The following PCDH9 variants were observed in gnomAD, a reference collection of about 807,000 sequenced individuals.
PCDH9 encodes protocadherin-9.
In PCDH9, 24 loss-of-function variants were observed where a neutral mutation model predicts 70.6. The observed-to-expected ratio is 0.34, with a 90% CI of 0.25 to 0.48. The LOEUF is 0.48. Among genes scored for constraint, PCDH9 ranks in the 20% least tolerant of loss-of-function variants. The pLI, the probability that PCDH9 is intolerant of heterozygous loss-of-function variation, is 0.99. For missense variants in PCDH9, 1,281 were observed against 1,503.6 expected, an observed-to-expected ratio of 0.85 and a Z score of 2.45; for synonymous variants, 562 against 558.5, an observed-to-expected ratio of 1.01 and a Z score of -0.09.
At chr13:66,439,159 C>G (rs1353686483) in intron 4 of PCDH9, among the ~76,000 whole-genome samples, 1 of 152,126 alleles carries the variant, frequency 6.6e-6, no homozygotes, top group Non-Finnish European at 1.5e-5. Context: ...ACTCCTATTG[C>G]CCGTTTCTAG....
chr13:66,318,955 G>A (rs984951657), intron 4 of PCDH9, among the ~76,000 whole-genome samples: 3 of 152,072 alleles, frequency 2.0e-5, no homozygotes, highest in Non-Finnish European at 4.4e-5. Flanking sequence ...TCTCTGGAAG[G>A]ATATCTACAC....
intron 2 of PCDH9, among the ~76,000 whole-genome samples, chr13:66,986,919 T>C (rs1485511824): frequency 6.6e-6 from 1 of 151,940 alleles, no homozygotes; most frequent in East Asian, 1.9e-4. Context: ...TATCTATGTA[T>C]ATATAATAAA....
intron 3 of PCDH9, among the ~76,000 whole-genome samples, chr13:66,690,783 T>A (rs2139082980): frequency 6.6e-6 from 1 of 152,268 alleles, no homozygotes; most frequent in East Asian, 1.9e-4. Context: ...CAGGAAAACA[T>A]ATTTCTAGGT....
intron 3 of PCDH9, among the ~76,000 whole-genome samples, chr13:66,810,434 TTC>T (rs1259793553): frequency 1.3e-5 from 2 of 152,032 alleles, no homozygotes; most frequent in Admixed American, 1.3e-4. Context: ...GTCATTTAAG[TTC>T]TCAGATTCCC....
chr13:66,497,638 G>A (rs1959136768), intron 4 of PCDH9, among the ~76,000 whole-genome samples: 1 of 152,052 alleles, frequency 6.6e-6, no homozygotes, highest in African/African-American at 2.4e-5. Context: ...TGAGAAATTT[G>A]AGACCAAAAG....
chr13:67,056,538 T>C (rs1291666329), intron 2 of PCDH9, among the ~76,000 whole-genome samples: 1 of 152,140 alleles, frequency 6.6e-6, no homozygotes, highest in Admixed American at 6.6e-5. Context: ...TTAGAGTTAC[T>C]TGCATTTCAT....
chr13:67,016,854 C>A (rs1161156860), intron 2 of PCDH9, among the ~76,000 whole-genome samples: 1 of 152,100 alleles, frequency 6.6e-6, no homozygotes, highest in African/African-American at 2.4e-5. Context: ...ACCATGTAAG[C>A]CTTCAAGAGT....
At chr13:66,380,128 T>C (rs1956819420) in intron 4 of PCDH9, among the ~76,000 whole-genome samples, 1 of 152,162 alleles carries the variant, frequency 6.6e-6, no homozygotes, top group African/African-American at 2.4e-5. Context: ...GTATATAACC[T>C]CTCTGAGAGC....
chr13:66,375,896 AAAC>A (rs1239006730), intron 4 of PCDH9, among the ~76,000 whole-genome samples: 3 of 152,066 alleles, frequency 2.0e-5, no homozygotes, highest in African/African-American at 7.2e-5. Flanking sequence ...TTAAAGCAAA[AAAC>A]AACAACAAAA....
At chr13:66,317,109 T>C (rs1955666924) in intron 4 of PCDH9, among the ~76,000 whole-genome samples, 1 of 152,144 alleles carries the variant, frequency 6.6e-6, no homozygotes, top group African/African-American at 2.4e-5. Context: ...CACTAGAATA[T>C]AAGCACCATG....
intron 3 of PCDH9, among the ~76,000 whole-genome samples, chr13:66,741,333 G>A (rs1484680427): frequency 7.4e-5 from 1 of 13,542 alleles, no homozygotes; most frequent in Non-Finnish European, 6.3e-3. Flanking sequence ...GTACTGATGG[G>A]ACATATCTCA....
intron 3 of PCDH9, among the ~76,000 whole-genome samples, chr13:66,745,416 T>C (rs1266885177): frequency 6.6e-6 from 1 of 152,134 alleles, no homozygotes. Flanking sequence ...ATTCAACAAA[T>C]GGTAAATTGC....
At chr13:66,398,001 A>T (rs905863481) in intron 4 of PCDH9, among the ~76,000 whole-genome samples, 5 of 152,092 alleles carry the variant, frequency 3.3e-5, no homozygotes, top group Non-Finnish European at 5.9e-5. Flanking sequence ...ATGTAATCCT[A>T]GTTAATTCAG....
chr13:67,133,531 A>G (rs2087158331), intron 2 of PCDH9, among the ~76,000 whole-genome samples: 1 of 152,134 alleles, frequency 6.6e-6, no homozygotes, highest in Non-Finnish European at 1.5e-5. Context: ...ATAATTTCAA[A>G]TCTAAATTCT....
chr13:66,425,924 C>T (rs1456015845), intron 4 of PCDH9, among the ~76,000 whole-genome samples: 3 of 151,426 alleles, frequency 2.0e-5, no homozygotes, highest in African/African-American at 7.3e-5. Flanking sequence ...ATTCTAATCT[C>T]CATCAAATCT....
intron 3 of PCDH9, among the ~76,000 whole-genome samples, chr13:66,744,696 T>C (rs2079331394): frequency 6.6e-6 from 1 of 152,058 alleles, no homozygotes; most frequent in Non-Finnish European, 1.5e-5. Flanking sequence ...AGAAAGAAAT[T>C]CAGGTATAAA....
At chr13:67,113,609 G>C (rs1427670959) in intron 2 of PCDH9, among the ~76,000 whole-genome samples, 1 of 151,358 alleles carries the variant, frequency 6.6e-6, no homozygotes, top group African/African-American at 2.4e-5. Context: ...GTGCGGTGGC[G>C]CCATCTCGGC....
chr13:66,951,742 T>C (rs1802954374), intron 2 of PCDH9, among the ~76,000 whole-genome samples: 1 of 152,186 alleles, frequency 6.6e-6, no homozygotes, highest in African/African-American at 2.4e-5. Context: ...CTTACTGAAT[T>C]TTTTAGAGCA....
At chr13:66,446,560 G>A (rs1432925038) in intron 4 of PCDH9, among the ~76,000 whole-genome samples, 1 of 152,002 alleles carries the variant, frequency 6.6e-6, no homozygotes, top group Non-Finnish European at 1.5e-5. Flanking sequence ...CATATGAAAG[G>A]AATGTTACTA....
Sources: gnomAD v4.1 joint callset for allele counts (sites outside exome capture counted in the v4.1 genomes callset) on GRCh38, gnomAD v4.1.1 for gene constraint, MANE v1.5 for transcripts, NCBI Gene and HGNC (gene_info 2026-07-23, HGNC 2026-07-21) for gene names.